NREP: variants seen among roughly 807,000 people sequenced by gnomAD.
NREP encodes neuronal regeneration related protein, also known as neuronal regeneration-related protein.
In NREP, 5 loss-of-function variants were observed where a neutral mutation model predicts 8.6. The ratio of observed to expected loss-of-function variants is 0.58; its 90% CI spans 0.30 to 1.22. The LOEUF is 1.22. Among genes scored for constraint, NREP ranks in the 50% most tolerant of loss-of-function variants. The pLI, the probability that NREP is intolerant of heterozygous loss-of-function variation, is 0.07. For missense variants in NREP, 86 were observed against 82.5 expected (o/e 1.04, Z -0.17); for synonymous variants, 27 against 28.0 (o/e 0.96, Z 0.11).
chr5:111,787,964 G>A (rs1448093969), intron 2 of NREP, among the ~76,000 whole-genome samples: 3 of 152,060 alleles, frequency 2.0e-5, no homozygotes, highest in African/African-American at 7.2e-5. Context: ...TGGCCAGGGT[G>A]GTGCACACCT....
chr5:111,734,660 G>T, intron 3 of NREP: 1 of 676,760 alleles, frequency 1.5e-6, no homozygotes, highest in Non-Finnish European at 2.7e-6. Context: ...ACAGCTGGGG[G>T]AGGACTCACC....
intron 2 of NREP, among the ~76,000 whole-genome samples, chr5:111,931,777 C>T (rs542510995): frequency 6.6e-6 from 1 of 152,220 alleles, no homozygotes; most frequent in South Asian, 2.1e-4. Context: ...CAGAGAATTA[C>T]AGGTTCCTCC....
At chr5:111,850,831 G>C (rs1368158965) in intron 2 of NREP, among the ~76,000 whole-genome samples, 1 of 152,138 alleles carries the variant, frequency 6.6e-6, no homozygotes, top group Non-Finnish European at 1.5e-5. Flanking sequence ...AGTTCCCTAA[G>C]AAAGACTGTA....
chr5:111,753,707 G>C (rs750346834), intron 2 of NREP, among the ~76,000 whole-genome samples: 4 of 152,070 alleles, frequency 2.6e-5, no homozygotes, highest in African/African-American at 9.7e-5. Flanking sequence ...AGGTGTCCAG[G>C]AGACAAATCT....
chr5:111,831,410 G>C (rs780904858), intron 2 of NREP, among the ~76,000 whole-genome samples: 2 of 152,018 alleles, frequency 1.3e-5, no homozygotes, highest in South Asian at 4.2e-4. Flanking sequence ...TTTTTTAGTC[G>C]ATCTGGAGTC....
intron 2 of NREP, among the ~76,000 whole-genome samples, chr5:111,854,034 A>T (rs1753368330): frequency 6.6e-6 from 1 of 152,144 alleles, no homozygotes; most frequent in Non-Finnish European, 1.5e-5. Flanking sequence ...CTGTGTTTAT[A>T]TCTCACACCT....
chr5:111,958,704 TA>T lies in NREP; in HGVS notation c.135+16569del, dbSNP rs924528511. 7.1e-4 allele frequency among the ~76,000 whole-genome samples: 108 copies of T among 151,938 alleles called. 1 individual carries two copies. Among genetic ancestry groups the T allele is most frequent in the African/African-American group, 2.4e-3 (100 of 41,520 alleles). On this transcript the variant is annotated intron_variant, in intron 2 of 3. Coordinates refer to the NREP transcript ENST00000395634. ...ATGTTCATGGATAAGATTCAACATT[TA>T]AAAAAAATTCTCTAAATAATTTATG...
chr5:111,813,842 G>T (rs1752321616), intron 2 of NREP, among the ~76,000 whole-genome samples: 1 of 151,942 alleles, frequency 6.6e-6, no homozygotes, highest in Admixed American at 6.6e-5. Context: ...ATATACATAA[G>T]CATGGAAAGT....
intron 2 of NREP, among the ~76,000 whole-genome samples, chr5:111,938,829 AC>A (rs1374205608): frequency 6.6e-6 from 1 of 152,040 alleles, no homozygotes; most frequent in Non-Finnish European, 1.5e-5. Flanking sequence ...TCACCCATGA[AC>A]TCTAACAACA....
chr5:111,767,610 C>T (rs1180969047), intron 2 of NREP, among the ~76,000 whole-genome samples: 1 of 152,102 alleles, frequency 6.6e-6, no homozygotes, highest in African/African-American at 2.4e-5. Flanking sequence ...TCCACTTGTC[C>T]CCAATTTGTG....
At chr5:111,750,833 A>C (rs762451964) in intron 2 of NREP, among the ~76,000 whole-genome samples, 2 of 152,142 alleles carry the variant, frequency 1.3e-5, no homozygotes, top group Non-Finnish European at 2.9e-5. Context: ...ATCGCACCAC[A>C]CTGCCGGAGT....
chr5:111,741,306 T>C (rs1025482837), intron 2 of NREP, among the ~76,000 whole-genome samples: 2 of 152,188 alleles, frequency 1.3e-5, no homozygotes, highest in Admixed American at 1.3e-4. Flanking sequence ...TGTTTTATTC[T>C]GCCTAACTAG....
At chr5:111,769,862 C>T (rs1466515001) in intron 2 of NREP, among the ~76,000 whole-genome samples, 1 of 152,182 alleles carries the variant, frequency 6.6e-6, no homozygotes, top group Non-Finnish European at 1.5e-5. Context: ...CCTACCAGGT[C>T]TCTTCCCCAA....
At chr5:111,976,816 C>G (rs889476709) in exon 1 of NREP, 6 of 1,163,740 alleles carry the variant, frequency 5.2e-6, no homozygotes, top group Non-Finnish European at 7.5e-6. Context: ...GTTGGCCAGA[C>G]AGCTCAGGAC....
chr5:111,754,272 A>G (rs1750564146), intron 2 of NREP, among the ~76,000 whole-genome samples: 1 of 152,236 alleles, frequency 6.6e-6, no homozygotes, highest in African/African-American at 2.4e-5. Context: ...TACCTTCTAC[A>G]AAGCTCATTC....
At chr5:111,910,028 C>T (rs2112561231) in intron 2 of NREP, among the ~76,000 whole-genome samples, 2 of 152,072 alleles carry the variant, frequency 1.3e-5, no homozygotes, top group East Asian at 3.9e-4. Flanking sequence ...TTTTAGCAGC[C>T]ACGATATAAT....
intron 2 of NREP, among the ~76,000 whole-genome samples, chr5:111,946,855 A>G (rs1756000389): frequency 6.6e-6 from 1 of 152,070 alleles, no homozygotes; most frequent in Admixed American, 6.6e-5. Flanking sequence ...TCTTCCTCCA[A>G]AATTATCTCT....
chr5:111,841,633 C>T (rs1239435152), intron 2 of NREP, among the ~76,000 whole-genome samples: 2 of 151,950 alleles, frequency 1.3e-5, no homozygotes, highest in Admixed American at 6.6e-5. Context: ...TAGGGGTGTT[C>T]GTAAACCTGG....
chr5:111,733,058 T>C (rs999619174), intron 3 of NREP: 6 of 152,166 alleles, frequency 3.9e-5, no homozygotes, highest in African/African-American at 1.4e-4. Flanking sequence ...AAGAGGCACT[T>C]CCAGAAAAAA....
Sources: gnomAD v4.1 joint callset for allele counts (sites outside exome capture counted in the v4.1 genomes callset) on GRCh38, gnomAD v4.1.1 for gene constraint, MANE v1.5 for transcripts, NCBI Gene and HGNC (gene_info 2026-07-23, HGNC 2026-07-21) for gene names.